The following CBFB variants were observed in gnomAD, a reference collection of about 807,000 sequenced individuals.
CBFB encodes core-binding factor subunit beta.
Under a neutral mutation model 30.4 loss-of-function variants are expected in CBFB, and 9 were observed. That is an observed-to-expected ratio of 0.30 (90% CI 0.18 to 0.52). CBFB has a LOEUF of 0.52. CBFB is among the 20% of genes least tolerant of loss of function. CBFB has a pLI of 0.97. For synonymous variants in CBFB, 94 were observed against 84.0 expected (o/e 1.12, Z -0.65); for missense variants, 170 against 244.0 (o/e 0.70, Z 2.02).
At chr16:67,033,558 G>A (rs1335955263) in intron 2 of CBFB, among the ~76,000 whole-genome samples, 1 of 151,582 alleles carries the variant, frequency 6.6e-6, no homozygotes, top group Non-Finnish European at 1.5e-5. Flanking sequence ...GGCCTCAAGT[G>A]ATGTGCCTGC....
intron 5 of CBFB, among the ~76,000 whole-genome samples, chr16:67,088,138 T>C (rs1198512943): frequency 6.6e-6 from 1 of 152,136 alleles, no homozygotes; most frequent in Non-Finnish European, 1.5e-5. Context: ...ATCTGGAAAA[T>C]TGGGCTGGAA....
At chr16:67,071,427 C>A (rs968089199) in intron 4 of CBFB, among the ~76,000 whole-genome samples, 1 of 152,166 alleles carries the variant, frequency 6.6e-6, no homozygotes, top group Non-Finnish European at 1.5e-5. Context: ...CTCTCTGTCT[C>A]TCTCTCTGCC....
chr16:67,029,985 C>G, intron 2 of CBFB, 172 bp downstream of exon 2: 2 of 476,330 alleles, frequency 4.2e-6, no homozygotes, highest in Non-Finnish European at 7.3e-6. Flanking sequence ...GGCCGGTACT[C>G]GCGGGGAGAC....
At chr16:67,069,700 A>C (rs1961164320) in intron 4 of CBFB, among the ~76,000 whole-genome samples, 1 of 152,252 alleles carries the variant, frequency 6.6e-6, no homozygotes, top group Non-Finnish European at 1.5e-5. Flanking sequence ...TTGAGAGACA[A>C]GGAATCATGA....
chr16:67,029,641 G>T (rs1421691338), intron 1 of CBFB, 86 bp from the exon 2 acceptor site: 4 of 1,375,560 alleles, frequency 2.9e-6, no homozygotes, highest in East Asian at 2.6e-5. Flanking sequence ...GCCTCTGCTT[G>T]CCCTTATCGG....
At chr16:67,042,617 G>A (rs1015661211) in intron 3 of CBFB, among the ~76,000 whole-genome samples, 7 of 152,186 alleles carry the variant, frequency 4.6e-5, no homozygotes, top group South Asian at 4.1e-4. Flanking sequence ...CTTTTGCCTG[G>A]GACTGTGCAG....
intron 1 of CBFB, 51 bp downstream of exon 1, chr16:67,029,536 C>T (rs1966293923): frequency 2.0e-6 from 3 of 1,527,376 alleles, no homozygotes; most frequent in East Asian, 2.5e-5. Flanking sequence ...CCCGAGTGGG[C>T]CCGGGCGGAG....
At chr16:67,030,594 G>T (rs1481525618) in intron 2 of CBFB, among the ~76,000 whole-genome samples, 2 of 152,036 alleles carry the variant, frequency 1.3e-5, no homozygotes, top group African/African-American at 4.8e-5. Context: ...ACCAAGAAAA[G>T]AGGTTGATTA....
intron 5 of CBFB, among the ~76,000 whole-genome samples, chr16:67,097,022 C>G (rs114417699): frequency 0.032 from 4,845 of 151,380 alleles, 266 homozygotes; most frequent in African/African-American, 0.11. Context: ...TGGCTTGAGC[C>G]CAGGAGTTCC....
chr16:67,062,247 C>G (rs1436455179), intron 3 of CBFB, among the ~76,000 whole-genome samples: 2 of 150,004 alleles, frequency 1.3e-5, no homozygotes. Flanking sequence ...CGGCTCACTG[C>G]AAACTCCATC....
chr16:67,029,985 C>T (rs1966306579), intron 2 of CBFB, 172 bp downstream of exon 2: 4 of 476,212 alleles, frequency 8.4e-6, no homozygotes. Context: ...GGCCGGTACT[C>T]GCGGGGAGAC....
At chr16:67,029,701 T>A (rs1966298953) in intron 1 of CBFB, 26 bp from the exon 2 acceptor site, 1 of 1,569,356 alleles carries the variant, frequency 6.4e-7, no homozygotes, top group Non-Finnish European at 8.7e-7. Flanking sequence ...ATTTGGCTCC[T>A]GATTTCGGGC....
chr16:67,033,782 G>GT (rs1284311197), intron 2 of CBFB, among the ~76,000 whole-genome samples: 1 of 112,596 alleles, frequency 8.9e-6, no homozygotes, highest in Non-Finnish European at 1.9e-5. Context: ...CGGCTAATTT[G>GT]TTTTTGTATT....
At chr16:67,031,476 T>C (rs1188196588) in intron 2 of CBFB, among the ~76,000 whole-genome samples, 1 of 152,216 alleles carries the variant, frequency 6.6e-6, no homozygotes, top group Non-Finnish European at 1.5e-5. Flanking sequence ...GATGCAAGTA[T>C]AAAAGATAAG....
intron 3 of CBFB, among the ~76,000 whole-genome samples, chr16:67,066,278 T>G (rs1961049915): frequency 6.6e-6 from 1 of 151,702 alleles, no homozygotes; most frequent in African/African-American, 2.4e-5. Context: ...CCGGGCATGG[T>G]AGCTCACGCC....
intron 2 of CBFB, among the ~76,000 whole-genome samples, chr16:67,035,839 C>T (rs941041188): frequency 3.3e-5 from 5 of 151,974 alleles, no homozygotes; most frequent in Non-Finnish European, 7.4e-5. Context: ...TCTTAATTTC[C>T]TTTGGGAAAG....
chr16:67,079,841 T>G (rs1009809887), intron 4 of CBFB, among the ~76,000 whole-genome samples: 14 of 152,170 alleles, frequency 9.2e-5, no homozygotes, highest in African/African-American at 3.4e-4. Flanking sequence ...TCTTCAAGTG[T>G]ACCATCAAAA....
intron 4 of CBFB, among the ~76,000 whole-genome samples, chr16:67,067,921 C>G (rs889527878): frequency 2.0e-5 from 3 of 152,148 alleles, no homozygotes; most frequent in Non-Finnish European, 4.4e-5. Context: ...CTCATGTCAT[C>G]CAGAAAGCTG....
chr16:67,041,900 CT>C (rs577858550), intron 3 of CBFB, among the ~76,000 whole-genome samples: 525 of 125,094 alleles, frequency 4.2e-3, no homozygotes, highest in Admixed American at 4.6e-3. Flanking sequence ...TCCTGCCCTT[CT>C]TTTTTTTTTT....
Sources: gnomAD v4.1 joint callset for allele counts (sites outside exome capture counted in the v4.1 genomes callset) on GRCh38, gnomAD v4.1.1 for gene constraint, MANE v1.5 for transcripts, NCBI Gene and HGNC (gene_info 2026-07-23, HGNC 2026-07-21) for gene names.